AFG2A: variants seen among roughly 807,000 people sequenced by gnomAD.
AFG2A encodes ATPase family gene 2 protein homolog A.
the AFG2A span, among the ~76,000 whole-genome samples, chr4:123,135,225 A>G: frequency 1.4e-5 from 1 of 72,598 alleles, no homozygotes; most frequent in Non-Finnish European, 4.2e-5. Flanking sequence ...ATGATTAAAA[A>G]TCTAACAAAT....
the AFG2A span, among the ~76,000 whole-genome samples, chr4:123,183,569 A>T: frequency 1.4e-4 from 21 of 152,190 alleles, no homozygotes; most frequent in African/African-American, 3.9e-4. Context: ...TAGTTTTCTT[A>T]CAAGACTTGA....
At chr4:123,039,117 A>G in the AFG2A span, among the ~76,000 whole-genome samples, 23 of 152,252 alleles carry the variant, frequency 1.5e-4, no homozygotes, top group African/African-American at 5.1e-4. Context: ...CATCATCTAC[A>G]GAGAACAATG....
chr4:123,000,904 G>A, the AFG2A span, among the ~76,000 whole-genome samples: 1 of 94,752 alleles, frequency 1.1e-5, no homozygotes, highest in Admixed American at 1.2e-4. Flanking sequence ...TGTACCTCTG[G>A]TAGAATTCGG....
chr4:123,090,905 C>T, the AFG2A span, among the ~76,000 whole-genome samples: 1 of 152,214 alleles, frequency 6.6e-6, no homozygotes, highest in South Asian at 2.1e-4. Flanking sequence ...ACAAGTTATA[C>T]AAAGCAAGTT....
the AFG2A span, among the ~76,000 whole-genome samples, chr4:123,306,649 G>A: frequency 1.3e-5 from 2 of 151,580 alleles, no homozygotes; most frequent in Non-Finnish European, 2.9e-5. Context: ...TCTGCCTCCC[G>A]GGTTCAAGTG....
chr4:123,164,478 C>T, the AFG2A span, among the ~76,000 whole-genome samples: 1 of 152,176 alleles, frequency 6.6e-6, no homozygotes, highest in Non-Finnish European at 1.5e-5. Flanking sequence ...ATTCTCCTGC[C>T]TCAGCCTCCT....
chr4:123,072,106 T>C, the AFG2A span, among the ~76,000 whole-genome samples: 1 of 152,194 alleles, frequency 6.6e-6, no homozygotes, highest in African/African-American at 2.4e-5. Context: ...AATGTGCTTT[T>C]AAATCCCAAC....
chr4:123,009,804 G>A, the AFG2A span, among the ~76,000 whole-genome samples: 3 of 152,130 alleles, frequency 2.0e-5, no homozygotes, highest in Non-Finnish European at 4.4e-5. Context: ...TCTAACTAAG[G>A]TATAATATAT....
chr4:123,092,729 T>G, the AFG2A span, among the ~76,000 whole-genome samples: 2 of 152,292 alleles, frequency 1.3e-5, no homozygotes, highest in Middle Eastern at 3.4e-3. Context: ...TAAACTCACA[T>G]GATTGTGGCA....
chr4:122,936,272 G>C, the AFG2A span: 2 of 545,122 alleles, frequency 3.7e-6, no homozygotes, highest in Non-Finnish European at 6.0e-6. Context: ...AGTGATAGTG[G>C]TAGAAGTAGA....
chr4:123,313,201 C>T, the AFG2A span, among the ~76,000 whole-genome samples: 1 of 152,198 alleles, frequency 6.6e-6, no homozygotes, highest in Admixed American at 6.5e-5. Context: ...CCTCCCTCCT[C>T]CCTCTGCATC....
chr4:122,980,787 C>T, the AFG2A span, among the ~76,000 whole-genome samples: 3 of 152,006 alleles, frequency 2.0e-5, no homozygotes, highest in East Asian at 1.9e-4. Context: ...GCCATTTGTA[C>T]GTCTTCTTTT....
chr4:122,944,212 A>G, the AFG2A span, among the ~76,000 whole-genome samples: 1 of 152,108 alleles, frequency 6.6e-6, no homozygotes, highest in Non-Finnish European at 1.5e-5. Flanking sequence ...GTTCTCTTTG[A>G]TAATATCCTG....
chr4:123,106,936 A>T, the AFG2A span, among the ~76,000 whole-genome samples: 1 of 152,220 alleles, frequency 6.6e-6, no homozygotes, highest in African/African-American at 2.4e-5. Context: ...TCAGGCACAC[A>T]AGCTGCTGCA....
the AFG2A span, among the ~76,000 whole-genome samples, chr4:123,232,152 T>A: frequency 6.6e-6 from 1 of 151,968 alleles, no homozygotes; most frequent in African/African-American, 2.4e-5. Context: ...AAATACAATA[T>A]CTGCAGAGCC....
At chr4:123,203,413 C>G in the AFG2A span, among the ~76,000 whole-genome samples, 1 of 152,174 alleles carries the variant, frequency 6.6e-6, no homozygotes, top group Non-Finnish European at 1.5e-5. Context: ...ACCTCCGCCT[C>G]CTGGGTTCAA....
chr4:123,294,311 T>G, the AFG2A span, among the ~76,000 whole-genome samples: 1 of 152,214 alleles, frequency 6.6e-6, no homozygotes, highest in Non-Finnish European at 1.5e-5. Context: ...AATATAGTTC[T>G]CAGATGCCAG....
the AFG2A span, among the ~76,000 whole-genome samples, chr4:123,098,470 T>G: frequency 1.3e-5 from 2 of 151,968 alleles, no homozygotes; most frequent in Non-Finnish European, 2.9e-5. Context: ...CTTGAACTTA[T>G]TTCTCCTGTT....
chr4:123,170,515 T>C, the AFG2A span, among the ~76,000 whole-genome samples: 1 of 152,186 alleles, frequency 6.6e-6, no homozygotes, highest in South Asian at 2.1e-4. Context: ...ATTCTGTCTG[T>C]AACTGACAGT....
Sources: gnomAD v4.1 joint callset for allele counts (sites outside exome capture counted in the v4.1 genomes callset) on GRCh38, gnomAD v4.1.1 for gene constraint, MANE v1.5 for transcripts, NCBI Gene and HGNC (gene_info 2026-07-23, HGNC 2026-07-21) for gene names.